Variants in JCAD observed in about 807,000 individuals in gnomAD.
JCAD encodes the protein junctional cadherin 5 associated, also known as junctional cadherin 5-associated protein.
In JCAD, 40 loss-of-function variants were observed where a neutral mutation model predicts 98.0. The observed-to-expected ratio is 0.41, with a 90% CI of 0.32 to 0.53. The LOEUF (loss-of-function observed/expected upper bound fraction) is 0.53, where lower values mean the gene tolerates loss of function less well. Ranked by LOEUF, JCAD falls within the 20% of genes least tolerant of loss-of-function variation. JCAD has a pLI of 0.31. For synonymous variants in JCAD, 691 were observed against 682.3 expected (o/e 1.01, Z -0.20); for missense variants, 1,705 against 1,738.1 (o/e 0.98, Z 0.34).
At chr10:30,079,346 C>CAAAAAA (rs373809311) in intron 1 of JCAD, among the ~76,000 whole-genome samples, 28 of 64,522 alleles carry the variant, frequency 4.3e-4, no homozygotes, top group Non-Finnish European at 5.7e-4. Flanking sequence ...GACTCCATCT[C>CAAAAAA]AAAAAAAAAA....
chr10:30,072,695 C>T (rs1837914083), intron 1 of JCAD, among the ~76,000 whole-genome samples: 1 of 152,020 alleles, frequency 6.6e-6, no homozygotes, highest in Non-Finnish European at 1.5e-5. Flanking sequence ...CTCTGCCGAC[C>T]AGGCTGGAGT....
At chr10:30,081,760 C>T (rs7099236) in intron 1 of JCAD, among the ~76,000 whole-genome samples, 1 of 152,132 alleles carries the variant, frequency 6.6e-6, no homozygotes, top group Admixed American at 6.6e-5. Context: ...AATGCTAGCA[C>T]GTACCAGCAG....
chr10:30,046,551 T>C (rs963695487), intron 2 of JCAD, among the ~76,000 whole-genome samples: 2 of 152,150 alleles, frequency 1.3e-5, no homozygotes, highest in African/African-American at 2.4e-5. Flanking sequence ...AAATATTGAA[T>C]TGTGTTAATA....
At chr10:30,058,549 G>T (rs1837629350) in intron 1 of JCAD, among the ~76,000 whole-genome samples, 1 of 152,154 alleles carries the variant, frequency 6.6e-6, no homozygotes, top group African/African-American at 2.4e-5. Flanking sequence ...CTTTACAAAT[G>T]CCCAGAAGAA....
rs1589699362 is a variant in JCAD, at chr10:30,059,005, C to T, written c.-60+477G>A. On this transcript the variant is annotated intron_variant, in intron 1 of 3. Coordinates refer to ENST00000375377, the MANE Select transcript of JCAD (RefSeq NM_020848.4). The surrounding 1 kb of genome is among the most constrained non-coding windows in gnomAD (Gnocchi z 5.0). ...GGGAACTGGGACCTCGGGGACCCAGCGCGGCGGCTGTCAGCTCTGGGGTGA... is the reference window on the plus strand; with the variant it reads ...GGGAACTGGGACCTCGGGGACCCAGTGCGGCGGCTGTCAGCTCTGGGGTGA... 6.6e-6 allele frequency among the ~76,000 whole-genome samples: 1 copy of T among 152,094 alleles called. No homozygotes were observed. Among genetic ancestry groups the T allele is most frequent in the East Asian group, 1.9e-4 (1 of 5,160 alleles).
intron 3 of JCAD, among the ~76,000 whole-genome samples, chr10:30,024,688 A>AT (rs35394945): frequency 0.035 from 3,480 of 100,608 alleles, 81 homozygotes; most frequent in East Asian, 0.07. Context: ...GCCCATGTAC[A>AT]TTTTTTTTTT....
intron 1 of JCAD, among the ~76,000 whole-genome samples, chr10:30,079,346 C>CAAAAA (rs373809311): frequency 2.8e-4 from 18 of 64,506 alleles, no homozygotes; most frequent in South Asian, 6.5e-4. Context: ...GACTCCATCT[C>CAAAAA]AAAAAAAAAA....
chr10:30,084,779 C>CTCTATCTA (rs1200144161), intron 1 of JCAD, among the ~76,000 whole-genome samples: 1 of 127,234 alleles, frequency 7.9e-6, no homozygotes, highest in African/African-American at 3.0e-5. Context: ...ATAATCAAAT[C>CTCTATCTA]TGTATCTATC....
chr10:30,107,053 C>T (rs1838597947), intron 1 of JCAD, among the ~76,000 whole-genome samples: 2 of 152,186 alleles, frequency 1.3e-5, no homozygotes, highest in Admixed American at 1.3e-4. Flanking sequence ...TGGGACAGAG[C>T]CTTGCACATC....
upstream of JCAD, among the ~76,000 whole-genome samples, chr10:30,059,731 A>T (rs1837666568): frequency 6.7e-6 from 1 of 149,058 alleles, no homozygotes. This position sits in a 1 kb window ranked among gnomAD's most constrained non-coding sequence, Gnocchi z 5.0. Flanking sequence ...AGAAGGCACA[A>T]GTGAGCTGAC....
intron 1 of JCAD, among the ~76,000 whole-genome samples, chr10:30,070,872 A>C (rs1837872855): frequency 6.6e-6 from 1 of 152,196 alleles, no homozygotes; most frequent in African/African-American, 2.4e-5. Flanking sequence ...TATATGTTAA[A>C]GTATTAATAC....
chr10:30,047,514 G>A lies in JCAD; in HGVS notation c.281+18C>T, dbSNP rs200240091. ...CTCCTGAGTCAAAAGAAAACGGTGG[G>A]TTCACAGTGAAACTTACCCCGCCTC... On this transcript the variant is annotated intron_variant, in intron 2 of 3. Transcript: ENST00000375377. 2.3e-4 allele frequency: 367 copies of A among 1,603,232 alleles called. No homozygotes were observed. The highest frequency in any genetic ancestry group is 2.9e-4 in the Non-Finnish European group (340 of 1,175,704).
Position 30,027,331 on chromosome 10 carries a change from T to G in JCAD, c.2817A>C (p.Glu939Asp). Residue 939 changes from glutamate (E) to aspartate (D), a missense_variant, in exon 3 of 4, where the codon GAA becomes GAC. Coordinates refer to ENST00000375377, the MANE Select transcript of JCAD (RefSeq NM_020848.4). ...PPSPGRFRVE[E>D]GGGAPFCSAD... ...CTGAGCAGAAAGGTGCACCGCCACC[T>G]TCTTCCACGCGAAAGCGGCCCGGGG... The G allele has an allele frequency of 6.2e-7, 1 of 1,613,298 alleles. No individual in the cohort carries two copies. The highest frequency in any genetic ancestry group is 8.5e-7 in the Non-Finnish European group (1 of 1,180,036).
intron 1 of JCAD, among the ~76,000 whole-genome samples, chr10:30,079,470 T>G (rs2132680835): frequency 6.6e-6 from 1 of 152,326 alleles, no homozygotes; most frequent in African/African-American, 2.4e-5. Context: ...AGATGGACTC[T>G]TTTGAGTTTT....
At chr10:30,059,630 C>T (rs1419046543), upstream of JCAD, 3 of 152,502 alleles carry the variant, frequency 2.0e-5, no homozygotes, top group South Asian at 1.8e-4. The surrounding 1 kb of genome is among the most constrained non-coding windows in gnomAD (Gnocchi z 5.0). Flanking sequence ...GCCCGCCCCG[C>T]CCACCGCCCG....
Position 30,084,210 on chromosome 10 carries a change from GGGAA to G in JCAD, n.129-14393_129-14390del, listed in dbSNP as rs1286344135. The stretch of plus-strand genomic sequence containing the variant: ...GGAGGGAGGGAGAGAAGGAAAGAAA[GGGAA>G]GGAAGGAAGAAAGGAAGAAAGGAAA... On this transcript the variant is annotated intron_variant and non_coding_transcript_variant, in intron 1 of 2. Coordinates refer to the JCAD transcript ENST00000465712. Among the ~76,000 whole-genome samples the G allele has an allele frequency of 2.6e-5, 4 of 151,804 alleles. No homozygotes were observed. The East Asian group carries it at 7.7e-4, about 29-fold the overall frequency.
intron 1 of JCAD, among the ~76,000 whole-genome samples, chr10:30,053,804 T>C (rs1483159762): frequency 6.6e-6 from 1 of 151,394 alleles, no homozygotes; most frequent in Non-Finnish European, 1.5e-5. Context: ...GGCTCACACT[T>C]GTAATCCCAG....
rs992399641 is a variant in JCAD, at chr10:30,059,121, C to A, written c.-60+361G>T. 1.3e-5 allele frequency among the ~76,000 whole-genome samples: 2 copies of A among 151,852 alleles called. No individual in the cohort carries two copies. The highest frequency in any genetic ancestry group is 4.8e-5 in the African/African-American group (2 of 41,390). On this transcript the variant is annotated intron_variant, in intron 1 of 3. Transcript: ENST00000375377. This position sits in a 1 kb window ranked among gnomAD's most constrained non-coding sequence, Gnocchi z 5.0. ...TCGAGAGGGGAGTGAGTGACCCCGG[C>A]CCCCCAGGCCCTCCGCGCGCCGAGG... is the stretch of plus-strand genomic sequence containing the variant.
rs58665379 is a variant in JCAD, at chr10:30,089,513, C to CGTGTGTGTGTGTGT, written n.129-19706_129-19693dup. The stretch of plus-strand genomic sequence containing the variant: ...GAGTGTGAAATGTGGATGCTTCTTC[C>CGTGTGTGTGTGTGT]GTGTGTGTGTGTGTGTGTGTGTGTG... On this transcript the variant is annotated intron_variant and non_coding_transcript_variant, in intron 1 of 2. Transcript: ENST00000465712. 1.9e-3 allele frequency among the ~76,000 whole-genome samples: 275 copies of CGTGTGTGTGTGTGT among 143,024 alleles called. 2 individuals are homozygous for CGTGTGTGTGTGTGT. Among genetic ancestry groups the CGTGTGTGTGTGTGT allele is most frequent in the African/African-American group, 6.7e-3 (254 of 38,152 alleles). 93.8% of individuals were successfully genotyped at this position (143,024 alleles called of 152,430 possible).
Sources: gnomAD v4.1 joint callset for allele counts (sites outside exome capture counted in the v4.1 genomes callset) on GRCh38, gnomAD v4.1.1 for gene constraint, Gnocchi (gnomAD v3.1) non-coding constraint, MANE v1.5 for transcripts, NCBI Gene and HGNC (gene_info 2026-07-23, HGNC 2026-07-21) for gene names.